ZMAT4: variants seen among roughly 807,000 people sequenced by gnomAD.
ZMAT4 encodes zinc finger matrin-type 4, also known as zinc finger matrin-type protein 4.
A neutral mutation model predicts 28.7 loss-of-function variants in ZMAT4; 17 were observed. The ratio of observed to expected loss-of-function variants is 0.59; its 90% CI spans 0.41 to 0.89. ZMAT4 has a LOEUF of 0.89. ZMAT4 is among the 40% of genes least tolerant of loss of function. The probability of loss-of-function intolerance (pLI) is 0.00; values close to 1 mark genes in which losing one functional copy is unlikely to be tolerated. For missense variants in ZMAT4, 240 were observed against 283.8 expected (o/e 0.85, Z 1.11); for synonymous variants, 117 against 109.2 (o/e 1.07, Z -0.44).
At chr8:40,753,815 A>C (rs1211261734) in intron 3 of ZMAT4, among the ~76,000 whole-genome samples, 2 of 152,210 alleles carry the variant, frequency 1.3e-5, no homozygotes, top group Non-Finnish European at 2.9e-5. Context: ...TTTTCACCAG[A>C]GGTGACAAAG....
chr8:40,640,989 A>G (rs1294650356), intron 5 of ZMAT4, among the ~76,000 whole-genome samples: 3 of 151,916 alleles, frequency 2.0e-5, no homozygotes, highest in Non-Finnish European at 2.9e-5. Context: ...AAAGAAAAAA[A>G]AAAGATAGAC....
chr8:40,860,127 T>A (rs1342293786), intron 1 of ZMAT4, among the ~76,000 whole-genome samples: 1 of 152,164 alleles, frequency 6.6e-6, no homozygotes, highest in Admixed American at 6.5e-5. Flanking sequence ...TGGAGAATAA[T>A]ATTTGCTTAT....
intron 2 of ZMAT4, among the ~76,000 whole-genome samples, chr8:40,821,922 A>G (rs1013386873): frequency 2.0e-5 from 3 of 152,296 alleles, no homozygotes; most frequent in Middle Eastern, 6.8e-3. Context: ...ACTCGCCCCT[A>G]AACTTAACCC....
At chr8:40,626,539 T>C (rs1267961092) in intron 5 of ZMAT4, among the ~76,000 whole-genome samples, 1 of 152,246 alleles carries the variant, frequency 6.6e-6, no homozygotes, top group Non-Finnish European at 1.5e-5. Context: ...CCCCAGATTC[T>C]GGACCTGTCT....
intron 5 of ZMAT4, among the ~76,000 whole-genome samples, chr8:40,634,787 C>T (rs962133483): frequency 2.6e-5 from 4 of 152,144 alleles, no homozygotes; most frequent in Non-Finnish European, 5.9e-5. Flanking sequence ...TCATACAACT[C>T]GCTTGTGTAT....
intron 5 of ZMAT4, among the ~76,000 whole-genome samples, chr8:40,647,037 T>TA (rs921948948): frequency 4.6e-5 from 7 of 152,014 alleles, no homozygotes; most frequent in South Asian, 2.1e-4. Context: ...TAGAAATCAG[T>TA]AAAAAAAAGA....
At position 40,601,454 on chromosome 8, in the gene ZMAT4, A is replaced by AAGGAAGGG. The variant is rs1554525346; in HGVS notation, c.578-20194_578-20193insCCCTTCCT. Among the ~76,000 whole-genome samples, 46 of 88,738 alleles carry AAGGAAGGG rather than the reference A, an allele frequency of 5.2e-4. 4 individuals carry two copies. The highest frequency in any genetic ancestry group is 1.7e-3 in the African/African-American group (40 of 23,560). 58.2% of individuals were successfully genotyped at this position (88,738 alleles called of 152,430 possible). Reference sequence around the variant, plus strand: ...GAAGGAAGGAAGGAAGGAAGGAAGGAAGGGAGGAAGAAAGGAAAGAAAGAA... The same window carrying AAGGAAGGG: ...GAAGGAAGGAAGGAAGGAAGGAAGGAAGGAAGGGAGGGAGGAAGAAAGGAAAGAAAGAA... On this transcript the variant is annotated intron_variant, in intron 5 of 6. Transcript: ENST00000297737.
chr8:40,895,295 G>C (rs1257124140), intron 1 of ZMAT4, among the ~76,000 whole-genome samples: 1 of 152,256 alleles, frequency 6.6e-6, no homozygotes, highest in East Asian at 1.9e-4. Context: ...GGCATTCATC[G>C]GTCCTTGCAT....
Position 40,835,620 on chromosome 8 carries a change from TG to T in ZMAT4, c.-4-9941del, listed in dbSNP as rs1816450620. ...TTTACATGATTTATCTTCACAAGAC[TG>T]CCCCTATGAAACCAGACAGATTGAG... On this transcript the variant is annotated intron_variant, in intron 1 of 6. Coordinates refer to ENST00000297737, the MANE Select transcript of ZMAT4 (RefSeq NM_024645.3). Among the ~76,000 whole-genome samples, 4 of 152,250 alleles carry T rather than the reference TG, an allele frequency of 2.6e-5. No individual in the cohort carries two copies. The South Asian group carries it at 8.3e-4, about 31-fold the overall frequency.
intron 6 of ZMAT4, among the ~76,000 whole-genome samples, chr8:40,544,460 A>T (rs147330822): frequency 6.6e-6 from 1 of 152,158 alleles, no homozygotes; most frequent in African/African-American, 2.4e-5. Context: ...TTTTAAAGAG[A>T]TGAAAGGTGT....
chr8:40,867,628 C>T (rs1319750507), intron 1 of ZMAT4, among the ~76,000 whole-genome samples: 1 of 152,212 alleles, frequency 6.6e-6, no homozygotes, highest in African/African-American at 2.4e-5. Flanking sequence ...TGCCTTGAGG[C>T]CACTGGATTT....
intron 5 of ZMAT4, among the ~76,000 whole-genome samples, chr8:40,610,487 G>A (rs1209678753): frequency 6.6e-6 from 1 of 152,062 alleles, no homozygotes; most frequent in East Asian, 1.9e-4. Context: ...TCAAGTGGAT[G>A]ATCAACCAAA....
chr8:40,570,601 G>A (rs1172714767), intron 6 of ZMAT4, among the ~76,000 whole-genome samples: 1 of 152,140 alleles, frequency 6.6e-6, no homozygotes, highest in Non-Finnish European at 1.5e-5. Flanking sequence ...TCCAGAGGCT[G>A]AGGTGGGAGG....
At chr8:40,715,047 C>CAAAAAAAAA (rs10690797) in intron 3 of ZMAT4, among the ~76,000 whole-genome samples, 8,494 of 72,266 alleles carry the variant, frequency 0.12, 1,457 homozygotes, top group East Asian at 0.29. Context: ...GACTCTGTCT[C>CAAAAAAAAA]AAAAAAAAAA....
intron 5 of ZMAT4, among the ~76,000 whole-genome samples, chr8:40,594,501 T>C (rs894674913): frequency 1.3e-5 from 2 of 152,226 alleles, no homozygotes; most frequent in African/African-American, 4.8e-5. Context: ...TCTATATGTG[T>C]TTGTAACCCT....
chr8:40,627,502 A>G (rs1806419427), intron 5 of ZMAT4, among the ~76,000 whole-genome samples: 1 of 152,224 alleles, frequency 6.6e-6, no homozygotes, highest in Non-Finnish European at 1.5e-5. Flanking sequence ...TTGTGGATGA[A>G]GAAAATATAT....
At chr8:40,723,561 A>AAAAAAAAAC (rs1811196110) in intron 3 of ZMAT4, among the ~76,000 whole-genome samples, 1 of 151,316 alleles carries the variant, frequency 6.6e-6, no homozygotes, top group Non-Finnish European at 1.5e-5. Context: ...AAAAAAAAAA[A>AAAAAAAAAC]AAAAGATTGG....
At chr8:40,833,615 C>A (rs1159747084) in intron 1 of ZMAT4, among the ~76,000 whole-genome samples, 1 of 150,816 alleles carries the variant, frequency 6.6e-6, no homozygotes, top group Non-Finnish European at 1.5e-5. Flanking sequence ...GAACAGCAGG[C>A]AGCTAGGGTG....
intron 1 of ZMAT4, among the ~76,000 whole-genome samples, chr8:40,839,299 T>C (rs1447223294): frequency 6.6e-6 from 1 of 152,208 alleles, no homozygotes; most frequent in Non-Finnish European, 1.5e-5. Flanking sequence ...GCAGCTGTGC[T>C]CAGGTGTGCC....
Sources: allele counts gnomAD v4.1 joint callset (sites outside exome capture counted in the v4.1 genomes callset), GRCh38; gene constraint gnomAD v4.1.1; transcripts MANE v1.5; gene names NCBI Gene and HGNC (gene_info 2026-07-23, HGNC 2026-07-21).